The following SLC30A5 variants were observed in gnomAD, a reference collection of about 807,000 sequenced individuals.
The protein encoded by SLC30A5 is solute carrier family 30 member 5.
Under a neutral mutation model 79.6 loss-of-function variants are expected in SLC30A5, and 33 were observed. The ratio of observed to expected loss-of-function variants is 0.41; its 90% CI spans 0.31 to 0.55. The LOEUF (loss-of-function observed/expected upper bound fraction) is 0.55, where lower values mean the gene tolerates loss of function less well. Ranked by LOEUF, SLC30A5 falls within the 20% of genes least tolerant of loss-of-function variation. SLC30A5 has a pLI of 0.20. For missense variants in SLC30A5, 788 were observed against 928.1 expected (o/e 0.85, Z 1.96); for synonymous variants, 299 against 319.7 (o/e 0.94, Z 0.69).
chr5:69,129,462 A>G lies in SLC30A5; in HGVS notation c.2143A>G (p.Lys715Glu). 6 of 1,611,698 alleles carry G rather than the reference A, an allele frequency of 3.7e-6. No individual in the cohort carries two copies. Among genetic ancestry groups the G allele is most frequent in the Non-Finnish European group, 5.1e-6 (6 of 1,179,284 alleles). The change falls in exon 16 of 16, where the codon AAA becomes GAA. Residue 715 changes from lysine (K) to glutamate (E), a missense_variant. This residue lies in a region of SLC30A5 where 158 missense variants were observed against 156.2 expected (regional missense o/e 1.01). Transcript: ENST00000396591. ...RIVQQVTGIL[K>E]DAGVNNLTIQ... is the part of the protein sequence containing the mutation. ...TTTATAACAGGTTACAGGAATACTTAAAGATGCTGGAGTAAACAATTTAAC... is the reference window on the plus strand; with the variant it reads ...TTTATAACAGGTTACAGGAATACTTGAAGATGCTGGAGTAAACAATTTAAC...
chr5:69,129,401 A>C, intron 15 of SLC30A5, 46 bp from the exon 16 acceptor site: 1 of 1,437,196 alleles, frequency 7.0e-7, no homozygotes, highest in Non-Finnish European at 9.7e-7. Flanking sequence ...GTGTGTACTA[A>C]ATGCATTACT....
At chr5:69,129,324 T>A (rs1014580015) in intron 15 of SLC30A5, 123 bp from the exon 16 acceptor site, 11 of 657,052 alleles carry the variant, frequency 1.7e-5, no homozygotes, top group Non-Finnish European at 2.6e-5. Flanking sequence ...TTTTAGAGCG[T>A]CTCAGATTTC....
chr5:69,104,125 T>C (rs1250607397), intron 3 of SLC30A5: 7 of 1,407,220 alleles, frequency 5.0e-6, no homozygotes, highest in African/African-American at 1.5e-5. Flanking sequence ...GAAAACAGAA[T>C]ACTGTCCTTT....
At position 69,108,338 on chromosome 5, in the gene SLC30A5, T is replaced by C. The variant is rs1561290893; in HGVS notation, c.360-11T>C. ...TTACATTTCATAAATGATAATGTTT[T>C]ATTTTTGTAGGACTTTGCTGCTATT... On this transcript the variant is annotated splice_polypyrimidine_tract_variant and intron_variant, in intron 4 of 15. Transcript: ENST00000396591. 1 of 1,599,932 alleles carries C rather than the reference T, an allele frequency of 6.3e-7. No homozygotes were observed. The highest frequency in any genetic ancestry group is 8.6e-7 in the Non-Finnish European group (1 of 1,167,894).
chr5:69,101,967 C>A (rs1429463266), intron 2 of SLC30A5, among the ~76,000 whole-genome samples: 9 of 142,686 alleles, frequency 6.3e-5, no homozygotes, highest in South Asian at 2.3e-4. Context: ...AAAAAAAAAA[C>A]AAAAACAACA....
intron 4 of SLC30A5, among the ~76,000 whole-genome samples, chr5:69,107,734 CTTTT>C (rs377505223): frequency 2.9e-5 from 4 of 137,010 alleles, no homozygotes; most frequent in Admixed American, 7.4e-5. Context: ...GTTGCCTGTA[CTTTT>C]TTTTTTTTTT....
intron 1 of SLC30A5, among the ~76,000 whole-genome samples, chr5:69,097,155 G>T (rs1369531219): frequency 1.7e-5 from 2 of 115,162 alleles, no homozygotes; most frequent in African/African-American, 7.0e-5. Context: ...TCGCTATGTC[G>T]CCCAGGCTGG....
At chr5:69,110,962 C>T (rs2111965289) in intron 5 of SLC30A5, among the ~76,000 whole-genome samples, 1 of 151,144 alleles carries the variant, frequency 6.6e-6, no homozygotes, top group South Asian at 2.1e-4. Context: ...AGAAATGGAT[C>T]AGGGCATCAG....
rs901724900 is a variant in SLC30A5 at position 69,127,503 on chromosome 5, A to G, written c.1999-501A>G. 6.7e-5 allele frequency among the ~76,000 whole-genome samples: 10 copies of G among 149,346 alleles called. No individual in the cohort carries two copies. In the East Asian group the frequency reaches 2.0e-3, roughly 29 times the overall value. ...AAAAAAAAAAAAAAAAAATTTAGCC[A>G]GGCGTGGTGGCGTGCACCCGTAGTC... On this transcript the variant is annotated intron_variant, in intron 14 of 15. Transcript: ENST00000396591.
At chr5:69,125,254 C>T (rs975587092) in intron 14 of SLC30A5, among the ~76,000 whole-genome samples, 1 of 150,994 alleles carries the variant, frequency 6.6e-6, no homozygotes, top group Non-Finnish European at 1.5e-5. Context: ...GGGTCGGGCA[C>T]GGTGGCTCAC....
chr5:69,098,120 C>T (rs1403900000), intron 1 of SLC30A5, among the ~76,000 whole-genome samples: 2 of 152,114 alleles, frequency 1.3e-5, no homozygotes, highest in African/African-American at 2.4e-5. Context: ...GCATGAGCCA[C>T]CATGCCTGGC....
chr5:69,111,209 G>C (rs1488629871), intron 5 of SLC30A5, among the ~76,000 whole-genome samples: 2 of 151,956 alleles, frequency 1.3e-5, no homozygotes, highest in Non-Finnish European at 2.9e-5. Context: ...GGCCAGGCTG[G>C]TGTTGAACTC....
intron 14 of SLC30A5, among the ~76,000 whole-genome samples, chr5:69,126,770 A>T (rs1746704883): frequency 6.6e-6 from 1 of 151,212 alleles, no homozygotes; most frequent in Admixed American, 6.6e-5. Flanking sequence ...ACTCTGTCTT[A>T]AAAAAACAAA....
Position 69,116,417 on chromosome 5 carries a change from T to A in SLC30A5, c.1096T>A (p.Ser366Thr), listed in dbSNP as rs369482174. The A allele has an allele frequency of 5.0e-5, 81 of 1,604,322 alleles. No individual in the cohort carries two copies. Among genetic ancestry groups the A allele is most frequent in the Middle Eastern group, 3.3e-4 (2 of 6,016 alleles). ...ILSANILSSP[S>T]KRGQKGTLIG... ...AGCTGCCAATATCTTATCATCTCCC[T>A]CTAAGAGAGGACAAAAAGGTACCCT... The change falls in exon 10 of 16, where the codon TCT becomes ACT. Residue 366 changes from serine to threonine, a missense_variant. Coordinates refer to ENST00000396591, the MANE Select transcript of SLC30A5 (RefSeq NM_022902.5). This position sits in a 1 kb window ranked among gnomAD's most constrained non-coding sequence, Gnocchi z 4.0.
At position 69,094,072 on chromosome 5, in the gene SLC30A5, T is replaced by G. The variant is rs1745642114; in HGVS notation, c.-184T>G. On this transcript the variant is annotated 5_prime_UTR_variant, in exon 1 of 16. Transcript: ENST00000396591. ...GCCGCCGGAACTGATCGCGGCCTAGTCCCGACGCGTGTGTGCTAGTGAGCC... is the reference window on the plus strand; with the variant it reads ...GCCGCCGGAACTGATCGCGGCCTAGGCCCGACGCGTGTGTGCTAGTGAGCC... 2.5e-6 allele frequency: 1 copy of G among 400,518 alleles called. No individual in the cohort carries two copies. Among genetic ancestry groups the G allele is most frequent in the Non-Finnish European group, 4.4e-6 (1 of 225,382 alleles). The allele number at this position is 400,518 out of a possible 1,614,324, so 24.8% of individuals were successfully genotyped here.
chr5:69,100,080 T>C (rs1378742135), intron 1 of SLC30A5, among the ~76,000 whole-genome samples: 1 of 152,128 alleles, frequency 6.6e-6, no homozygotes, highest in Non-Finnish European at 1.5e-5. Context: ...GCGATTCTCT[T>C]GCCTCAGCCT....
intron 5 of SLC30A5, 112 bp downstream of exon 5, chr5:69,108,548 G>A (rs918721014): frequency 4.2e-5 from 36 of 855,962 alleles, no homozygotes; most frequent in African/African-American, 2.3e-4. Context: ...GAGGCTGAGC[G>A]CGATGGCTCA....
chr5:69,123,086 C>T, intron 13 of SLC30A5, 113 bp from the exon 14 acceptor site: 2 of 652,156 alleles, frequency 3.1e-6, no homozygotes, highest in South Asian at 4.6e-5. Context: ...AAGTACTAGC[C>T]AGTAGCAGAG....
intron 1 of SLC30A5, among the ~76,000 whole-genome samples, chr5:69,099,024 C>T (rs1052045729): frequency 6.6e-6 from 1 of 152,138 alleles, no homozygotes; most frequent in Admixed American, 6.5e-5. Context: ...CTCTTGCAAC[C>T]TGGAATCCAT....
Sources: allele counts gnomAD v4.1 joint callset (sites outside exome capture counted in the v4.1 genomes callset), GRCh38; gene constraint gnomAD v4.1.1; regional missense constraint gnomAD v4.1.1; non-coding constraint Gnocchi (gnomAD v3.1); transcripts MANE v1.5; gene names NCBI Gene and HGNC (gene_info 2026-07-23, HGNC 2026-07-21).